The following TIPIN variants were observed in gnomAD, a reference collection of about 807,000 sequenced individuals.
TIPIN encodes the protein TIMELESS interacting protein, also known as TIMELESS-interacting protein.
A neutral mutation model predicts 35.6 loss-of-function variants in TIPIN; 29 were observed. That is an observed-to-expected ratio of 0.82 (90% CI 0.61 to 1.11). The LOEUF is 1.11. TIPIN is among the 50% of genes most tolerant of loss of function. TIPIN has a pLI of 0.00. For missense variants in TIPIN, 296 were observed against 345.4 expected, an observed-to-expected ratio of 0.86 and a Z score of 1.13; for synonymous variants, 102 against 121.5, an observed-to-expected ratio of 0.84 and a Z score of 1.06.
At chr15:66,360,588 G>C (rs889464017), upstream of TIPIN, among the ~76,000 whole-genome samples, 2 of 152,292 alleles carry the variant, frequency 1.3e-5, no homozygotes, top group African/African-American at 4.8e-5. Flanking sequence ...CCAGCACTTT[G>C]GGAGGCCAAG....
Position 66,356,630 on chromosome 15 carries a change from AGC to A in TIPIN, c.-9+7_-9+8del. The A allele has an allele frequency of 1.0e-6, 1 of 968,608 alleles. No individual in the cohort carries two copies. Among genetic ancestry groups the A allele is most frequent in the Non-Finnish European group, 1.2e-6 (1 of 819,378 alleles). 60.0% of individuals were successfully genotyped at this position (968,608 alleles called of 1,614,324 possible). On this transcript the variant is annotated splice_region_variant and intron_variant, in intron 1 of 7. Transcript: ENST00000261881. ...CAAGAACTTCATTGGCCCGCCAGCC[AGC>A]TCTCACCTCACGCAGAAAACACGGG...
At chr15:66,346,438 T>G (rs1298323877) in intron 6 of TIPIN, among the ~76,000 whole-genome samples, 2 of 152,110 alleles carry the variant, frequency 1.3e-5, no homozygotes, top group Non-Finnish European at 2.9e-5. Flanking sequence ...ATCAAAATTC[T>G]TCTGAATCCT....
intron 1 of TIPIN, among the ~76,000 whole-genome samples, chr15:66,370,139 C>T (rs540631571): frequency 2.0e-5 from 3 of 152,236 alleles, no homozygotes; most frequent in South Asian, 2.1e-4. Flanking sequence ...CAGCTGCCCT[C>T]GAGGAAGCTG....
intron 7 of TIPIN, among the ~76,000 whole-genome samples, chr15:66,339,131 C>CAAAAAAAAAAAAAAAAAAAAA: frequency 4.9e-5 from 1 of 20,584 alleles, no homozygotes; most frequent in Non-Finnish European, 7.0e-5. Flanking sequence ...GACTCCATCT[C>CAAAAAAAAAAAAAAAAAAAAA]AAAAAAAAAA....
intron 1 of TIPIN, among the ~76,000 whole-genome samples, chr15:66,364,180 T>C (rs1295572152): frequency 6.9e-6 from 1 of 145,494 alleles, no homozygotes; most frequent in Non-Finnish European, 1.5e-5. Flanking sequence ...TTTTTTTTTT[T>C]TTGAGACAGA....
At chr15:66,372,033 G>A (rs1453668165) in intron 1 of TIPIN, among the ~76,000 whole-genome samples, 3 of 152,128 alleles carry the variant, frequency 2.0e-5, no homozygotes, top group South Asian at 2.1e-4. Flanking sequence ...GAGCTCAAGC[G>A]ATCCACCCAC....
upstream of TIPIN, among the ~76,000 whole-genome samples, chr15:66,357,739 C>A (rs2093213169): frequency 6.6e-6 from 1 of 151,888 alleles, no homozygotes; most frequent in African/African-American, 2.4e-5. Flanking sequence ...GGGCAGATCA[C>A]GAGGTCAGGA....
In TIPIN at chr15:66,366,597, CAAAAAAA is replaced by C. The variant is rs757848258; in HGVS notation, c.-8-13649_-8-13643del. On this transcript the variant is annotated intron_variant, in intron 1 of 7. Coordinates refer to the TIPIN transcript ENST00000562124. ...TGAAACCTTGTCTCTACTAAATATACAAAAAAAAAAAAAAAAAAAATTAGCCAGGTGT... is the reference window on the plus strand; with the variant it reads ...TGAAACCTTGTCTCTACTAAATATACAAAAAAAAAAAAATTAGCCAGGTGT... Among the ~76,000 whole-genome samples the C allele has an allele frequency of 6.8e-3, 624 of 92,230 alleles. 6 individuals carry two copies. Among genetic ancestry groups the C allele is most frequent in the African/African-American group, 0.026 (575 of 22,054 alleles). 60.5% of individuals were successfully genotyped at this position (92,230 alleles called of 152,430 possible).
chr15:66,368,265 A>C (rs1293545460), intron 1 of TIPIN, among the ~76,000 whole-genome samples: 1 of 151,972 alleles, frequency 6.6e-6, no homozygotes, highest in African/African-American at 2.4e-5. Context: ...CATGCCTATA[A>C]TCCCAGCACT....
chr15:66,375,926 C>T (rs921732785), intron 1 of TIPIN, among the ~76,000 whole-genome samples: 1 of 151,402 alleles, frequency 6.6e-6, no homozygotes, highest in Admixed American at 6.6e-5. Context: ...CATACGGATA[C>T]ACTGTCTTTA....
chr15:66,339,157 A>AAAT lies in TIPIN; in HGVS notation c.683-1977_683-1976insATT. Among the ~76,000 whole-genome samples the AAAT allele has an allele frequency of 2.8e-5, 2 of 72,176 alleles. 1 individual carries two copies. Among genetic ancestry groups the AAAT allele is most frequent in the South Asian group, 1.1e-3 (2 of 1,868 alleles). 47.4% of individuals were successfully genotyped at this position (72,176 alleles called of 152,430 possible). A position where few individuals can be genotyped will look rare whatever the true frequency, so the allele number is the denominator to read the frequency against. On this transcript the variant is annotated intron_variant, in intron 7 of 7. Coordinates refer to ENST00000261881, the MANE Select transcript of TIPIN (RefSeq NM_017858.3). ...AAAAAAAAAAAAAAAAAAAAAAAAA[A>AAAT]GCAAAAAGAAAAAGTAAATTCATCT...
rs146972616 is a variant in TIPIN, at chr15:66,382,018, T to G, written c.-9+4589A>C. On this transcript the variant is annotated intron_variant, in intron 1 of 7. Transcript: ENST00000562124. ...AGGCAGAGGTGGCAGTGAGCCGAGATTGCACCACTGCACTCCACCTGGGCG... is the reference window on the plus strand; with the variant it reads ...AGGCAGAGGTGGCAGTGAGCCGAGAGTGCACCACTGCACTCCACCTGGGCG... 4.7e-4 allele frequency among the ~76,000 whole-genome samples: 72 copies of G among 152,308 alleles called. 3 individuals carry two copies. In the East Asian group the frequency reaches 0.013, roughly 27 times the overall value.
intron 7 of TIPIN, among the ~76,000 whole-genome samples, chr15:66,340,911 AT>A (rs1383791413): frequency 2.6e-5 from 4 of 152,100 alleles, no homozygotes; most frequent in African/African-American, 9.7e-5. Flanking sequence ...GATTAAAATA[AT>A]TTTTTAAGAG....
At chr15:66,352,315 T>A in intron 2 of TIPIN, 108 bp from the exon 3 acceptor site, 1 of 847,578 alleles carries the variant, frequency 1.2e-6, no homozygotes, top group South Asian at 1.9e-5. Context: ...ACACCTTTTT[T>A]TGAAACAGGG....
At chr15:66,342,191 A>AAAAAAAAAAAAAAAAAAAAAAAAAG in intron 6 of TIPIN, among the ~76,000 whole-genome samples, 1 of 64,504 alleles carries the variant, frequency 1.6e-5, no homozygotes, top group African/African-American at 4.6e-5. Flanking sequence ...TGTCTCAAAA[A>AAAAAAAAAAAAAAAAAAAAAAAAAG]AAAAAAAAAA....
intron 1 of TIPIN, among the ~76,000 whole-genome samples, chr15:66,381,846 C>T (rs1446691930): frequency 6.6e-6 from 1 of 152,178 alleles, no homozygotes; most frequent in Middle Eastern, 3.2e-3. Context: ...GGTGGATCAC[C>T]TCAGGTCAGG....
At position 66,349,365 on chromosome 15, in the gene TIPIN, C is replaced by T. The variant is rs768151887; in HGVS notation, c.361G>A (p.Glu121Lys). The change falls in exon 5 of 8, where the codon GAG becomes AAG. Residue 121 changes from glutamate to lysine, a missense_variant. Transcript: ENST00000261881. Reference protein sequence around the residue: ...AHRLFPKLQFEDFIDRVEYLG... With the variant: ...AHRLFPKLQFKDFIDRVEYLG... ...TATTCAACTCTGTCAATAAAATCCTCAAACTGCAGTTTAGGGAATAGCCTA... is the reference window on the plus strand; with the variant it reads ...TATTCAACTCTGTCAATAAAATCCTTAAACTGCAGTTTAGGGAATAGCCTA... 6.2e-7 allele frequency: 1 copy of T among 1,614,048 alleles called. No homozygotes were observed. The highest frequency in any genetic ancestry group is 8.5e-7 in the Non-Finnish European group (1 of 1,179,980).
At chr15:66,353,753 A>G (rs8031897) in intron 1 of TIPIN, among the ~76,000 whole-genome samples, 38,876 of 152,046 alleles carry the variant, frequency 0.26, 5,622 homozygotes, top group South Asian at 0.33. Flanking sequence ...CCTCAGGTTG[A>G]TAACTCGAAA....
intron 7 of TIPIN, among the ~76,000 whole-genome samples, chr15:66,338,739 G>A (rs1284418727): frequency 2.0e-5 from 3 of 150,494 alleles, no homozygotes; most frequent in East Asian, 3.9e-4. Flanking sequence ...GCATGGACAC[G>A]GGAGGCGGGG....
Sources: gnomAD v4.1 joint callset for allele counts (sites outside exome capture counted in the v4.1 genomes callset) on GRCh38, gnomAD v4.1.1 for gene constraint, MANE v1.5 for transcripts, NCBI Gene and HGNC (gene_info 2026-07-23, HGNC 2026-07-21) for gene names.